Variants in LINGO2 observed in about 807,000 individuals in gnomAD.
LINGO2 encodes the protein leucine-rich repeat and immunoglobulin-like domain-containing nogo receptor-interacting protein 2.
Under a neutral mutation model 30.6 loss-of-function variants are expected in LINGO2, and 14 were observed. The observed-to-expected ratio is 0.46, with a 90% CI of 0.30 to 0.72. The LOEUF (loss-of-function observed/expected upper bound fraction) is 0.72. Ranked by LOEUF, LINGO2 falls within the 30% of genes least tolerant of loss-of-function variation. The pLI is 0.07. For missense variants in LINGO2, 729 were observed against 751.7 expected (o/e 0.97, Z 0.35); for synonymous variants, 317 against 288.5 (o/e 1.10, Z -1.00).
At chr9:28,562,258 T>C (rs10491883) in intron 1 of LINGO2, among the ~76,000 whole-genome samples, 28,075 of 151,780 alleles carry the variant, frequency 0.18, 2,758 homozygotes, top group African/African-American at 0.25. Flanking sequence ...TAAGGAACGA[T>C]GATTATTAGA....
chr9:28,791,790 T>A, the LINGO2 span, among the ~76,000 whole-genome samples: 1 of 151,896 alleles, frequency 6.6e-6, no homozygotes, highest in African/African-American at 2.4e-5. Flanking sequence ...GAGATAAGTT[T>A]AAAGTATTGA....
chr9:29,063,363 T>A, the LINGO2 span, among the ~76,000 whole-genome samples: 1 of 152,036 alleles, frequency 6.6e-6, no homozygotes, highest in African/African-American at 2.4e-5. Context: ...AAGCAACAGT[T>A]CTTCAGTGAG....
chr9:28,334,252 A>T (rs1274018144), intron 3 of LINGO2, among the ~76,000 whole-genome samples: 2 of 152,162 alleles, frequency 1.3e-5, no homozygotes, highest in Admixed American at 1.3e-4. Flanking sequence ...TGAGGAAAAA[A>T]GGTACTATGA....
intron 4 of LINGO2, among the ~76,000 whole-genome samples, chr9:28,174,921 TGA>T (rs71502440): frequency 0.14 from 18,008 of 132,606 alleles, 1,218 homozygotes; most frequent in Middle Eastern, 0.2. Context: ...TGTGTGTGTG[TGA>T]GAGAGAGAGA....
the LINGO2 span, among the ~76,000 whole-genome samples, chr9:28,687,008 C>G: frequency 5.3e-5 from 8 of 152,014 alleles, no homozygotes; most frequent in Admixed American, 1.3e-4. Flanking sequence ...TTTTACGGTA[C>G]TTTTCAAGAC....
intron 2 of LINGO2, among the ~76,000 whole-genome samples, chr9:28,466,437 G>A (rs1825306032): frequency 6.6e-6 from 1 of 152,098 alleles, no homozygotes; most frequent in Non-Finnish European, 1.5e-5. Flanking sequence ...GAGACAGAGA[G>A]TAGATGATGA....
intron 2 of LINGO2, among the ~76,000 whole-genome samples, chr9:28,434,760 G>A (rs1268053568): frequency 1.3e-5 from 2 of 151,864 alleles, no homozygotes; most frequent in Non-Finnish European, 2.9e-5. Flanking sequence ...CCATAATTTG[G>A]ACTCACTTTT....
chr9:29,110,270 T>C, the LINGO2 span, among the ~76,000 whole-genome samples: 2 of 152,222 alleles, frequency 1.3e-5, no homozygotes, highest in Admixed American at 1.3e-4. Flanking sequence ...TCTGGAAATG[T>C]CAGGTTTAAT....
downstream of LINGO2, chr9:27,943,120 A>T (rs761160861): frequency 2.0e-5 from 3 of 152,138 alleles, no homozygotes; most frequent in Non-Finnish European, 4.4e-5. Flanking sequence ...TATTTATCTT[A>T]TATTGTTGAT....
chr9:28,351,851 C>T (rs1284778243), intron 3 of LINGO2, among the ~76,000 whole-genome samples: 3 of 149,658 alleles, frequency 2.0e-5, no homozygotes, highest in Admixed American at 6.7e-5. Context: ...TCAATATATG[C>T]AAATCAATAA....
At chr9:28,603,027 T>C (rs746443835) in intron 1 of LINGO2, among the ~76,000 whole-genome samples, 4 of 152,062 alleles carry the variant, frequency 2.6e-5, no homozygotes, top group African/African-American at 7.2e-5. Flanking sequence ...AGATGTCCAA[T>C]AGAAAACAAA....
chr9:29,156,507 G>A, the LINGO2 span, among the ~76,000 whole-genome samples: 2 of 152,034 alleles, frequency 1.3e-5, no homozygotes, highest in Admixed American at 1.3e-4. Flanking sequence ...AGAAACAGTA[G>A]ATAAATGTAT....
the LINGO2 span, among the ~76,000 whole-genome samples, chr9:29,082,060 C>T: frequency 5.8e-3 from 881 of 152,128 alleles, 8 homozygotes; most frequent in African/African-American, 0.02. Flanking sequence ...ACTTTCTTCA[C>T]AGAATTGGAA....
At chr9:28,200,917 T>C (rs2133819706) in intron 4 of LINGO2, among the ~76,000 whole-genome samples, 1 of 152,048 alleles carries the variant, frequency 6.6e-6, no homozygotes, top group African/African-American at 2.4e-5. Context: ...AGATTAAAAA[T>C]AAATCAATAA....
At chr9:28,357,878 A>G (rs543776829) in intron 3 of LINGO2, among the ~76,000 whole-genome samples, 3 of 152,296 alleles carry the variant, frequency 2.0e-5, no homozygotes, top group Admixed American at 2.0e-4. Context: ...ATCAATACAT[A>G]TTAGCTACAT....
chr9:28,056,000 G>T (rs528982279), intron 4 of LINGO2, among the ~76,000 whole-genome samples: 2 of 151,980 alleles, frequency 1.3e-5, no homozygotes, highest in Non-Finnish European at 2.9e-5. Flanking sequence ...ATTATGAGAC[G>T]AAAAGAAAGA....
intron 2 of LINGO2, among the ~76,000 whole-genome samples, chr9:28,391,778 T>C (rs775611243): frequency 1.3e-5 from 2 of 152,280 alleles, no homozygotes; most frequent in Non-Finnish European, 2.9e-5. Context: ...TACCAATAAA[T>C]ACCTAATTTA....
intron 3 of LINGO2, among the ~76,000 whole-genome samples, chr9:28,321,917 A>G (rs1275850321): frequency 1.3e-5 from 2 of 152,216 alleles, no homozygotes; most frequent in Non-Finnish European, 2.9e-5. Flanking sequence ...AAAAAAAGAA[A>G]AAAAACAAAC....
Position 28,562,457 on chromosome 9 carries a change from C to A in LINGO2, c.-364-86432G>T, listed in dbSNP as rs369482662. Among the ~76,000 whole-genome samples, 397 of 109,126 alleles carry A rather than the reference C, an allele frequency of 3.6e-3. 1 individual carries two copies. The highest frequency in any genetic ancestry group is 5.3e-3 in the Middle Eastern group (1 of 188). 71.6% of individuals were successfully genotyped at this position (109,126 alleles called of 152,430 possible). A position where few individuals can be genotyped will look rare whatever the true frequency, so the allele number is the denominator to read the frequency against. On this transcript the variant is annotated intron_variant, in intron 1 of 5. Coordinates refer to ENST00000379992, the Ensembl canonical transcript of LINGO2. Reference sequence around the variant, plus strand: ...GAAATAAGCAATGTGCATTTACTTTCAAAAAAAAAAAAAAAAAACAGAAAA... The same window carrying A: ...GAAATAAGCAATGTGCATTTACTTTAAAAAAAAAAAAAAAAAAACAGAAAA...
Sources: allele counts gnomAD v4.1 joint callset (sites outside exome capture counted in the v4.1 genomes callset), GRCh38; gene constraint gnomAD v4.1.1; transcripts MANE v1.5; gene names NCBI Gene and HGNC (gene_info 2026-07-23, HGNC 2026-07-21).